Variants in ZBBX observed in about 807,000 individuals in gnomAD.
The protein encoded by ZBBX is zinc finger B-box domain containing.
Under a neutral mutation model 108.5 loss-of-function variants are expected in ZBBX, and 101 were observed. The ratio of observed to expected loss-of-function variants is 0.93; its 90% confidence interval spans 0.79 to 1.10. The LOEUF (loss-of-function observed/expected upper bound fraction) is 1.10, where lower values mean the gene tolerates loss of function less well. Ranked by LOEUF, ZBBX falls within the 50% of genes least tolerant of loss-of-function variation. The pLI is 0.00. For missense variants in ZBBX, 1,009 were observed against 941.4 expected, an observed-to-expected ratio of 1.07 and a Z score of -0.94; for synonymous variants, 356 against 323.4, an observed-to-expected ratio of 1.10 and a Z score of -1.08.
intron 20 of ZBBX, among the ~76,000 whole-genome samples, chr3:167,281,026 T>C (rs1404711010): frequency 6.6e-6 from 1 of 152,140 alleles, no homozygotes; most frequent in Admixed American, 6.6e-5. Context: ...ACACCACATA[T>C]TCTCACTCAT....
chr3:167,300,256 A>G (rs746189941), intron 17 of ZBBX, among the ~76,000 whole-genome samples: 2 of 152,076 alleles, frequency 1.3e-5, no homozygotes, highest in Non-Finnish European at 2.9e-5. Context: ...TTCCTGAAAA[A>G]ACTTCAAATC....
At chr3:167,366,920 T>C (rs769564319) in intron 5 of ZBBX, 2 of 455,996 alleles carry the variant, frequency 4.4e-6, no homozygotes, top group South Asian at 1.6e-5. Context: ...ATAAACTTTG[T>C]CATCCTGGAT....
the ZBBX span, among the ~76,000 whole-genome samples, chr3:167,195,021 C>T: frequency 1.3e-5 from 2 of 152,158 alleles, no homozygotes; most frequent in Non-Finnish European, 2.9e-5. Flanking sequence ...AGCAAGCTTC[C>T]AGCACTATCT....
chr3:167,209,974 C>G, the ZBBX span, among the ~76,000 whole-genome samples: 4 of 152,208 alleles, frequency 2.6e-5, no homozygotes, highest in South Asian at 8.3e-4. Context: ...CCTGTAGTCC[C>G]AACTACTCAG....
the ZBBX span, among the ~76,000 whole-genome samples, chr3:167,233,577 A>T: frequency 1.3e-5 from 2 of 151,738 alleles, no homozygotes; most frequent in Non-Finnish European, 2.9e-5. Flanking sequence ...TTTCCCCTTG[A>T]GGCCAGCTCT....
intron 9 of ZBBX, among the ~76,000 whole-genome samples, chr3:167,342,121 A>G (rs1295697212): frequency 6.6e-6 from 1 of 151,874 alleles, no homozygotes; most frequent in Non-Finnish European, 1.5e-5. Flanking sequence ...AATTTGTTAC[A>G]TTTGGTTTTT....
At chr3:167,404,999 T>C (rs1748540658) in intron 1 of ZBBX, among the ~76,000 whole-genome samples, 1 of 152,182 alleles carries the variant, frequency 6.6e-6, no homozygotes, top group African/African-American at 2.4e-5. Context: ...AGATGTCTGA[T>C]ACAAGGGAGA....
At chr3:167,315,546 T>G (rs1283843951) in intron 15 of ZBBX, among the ~76,000 whole-genome samples, 1 of 152,194 alleles carries the variant, frequency 6.6e-6, no homozygotes, top group Non-Finnish European at 1.5e-5. Context: ...CCTATCACTA[T>G]AGACAGTTTT....
intron 1 of ZBBX, among the ~76,000 whole-genome samples, chr3:167,392,337 T>C (rs1013417190): frequency 1.4e-4 from 22 of 151,894 alleles, no homozygotes; most frequent in South Asian, 4.1e-4. Context: ...AGTTTGTGTC[T>C]ATTATTAATA....
At chr3:167,354,500 A>T (rs4955616) in intron 8 of ZBBX, among the ~76,000 whole-genome samples, 1 of 151,718 alleles carries the variant, frequency 6.6e-6, no homozygotes, top group African/African-American at 2.4e-5. Flanking sequence ...TGAAGAAAAA[A>T]AAACACTATC....
intron 20 of ZBBX, among the ~76,000 whole-genome samples, chr3:167,255,761 A>C (rs1723396380): frequency 6.6e-6 from 1 of 152,118 alleles, no homozygotes; most frequent in African/African-American, 2.4e-5. Flanking sequence ...ATCATGAAAA[A>C]TTTGGAACAC....
At position 167,368,155 on chromosome 3, in the gene ZBBX, G is replaced by T. The variant is rs958887523; in HGVS notation, c.182+306C>A. 2.2e-4 allele frequency among the ~76,000 whole-genome samples: 34 copies of T among 151,458 alleles called. No individual in the cohort carries two copies. In the East Asian group the frequency reaches 6.0e-3, roughly 27 times the overall value. On this transcript the variant is annotated intron_variant, in intron 5 of 21. Coordinates refer to ENST00000675490, the MANE Select transcript of ZBBX (RefSeq NM_001199201.2). ...GAGAGCAAAAGGTAAAGTGTGCACT[G>T]CTGTCATAAACATTCCAGACCATAA...
the ZBBX span, among the ~76,000 whole-genome samples, chr3:167,217,050 A>G: frequency 6.6e-6 from 1 of 152,174 alleles, no homozygotes; most frequent in South Asian, 2.1e-4. Flanking sequence ...ACAATCCTGG[A>G]CCTAAGAATG....
intron 20 of ZBBX, among the ~76,000 whole-genome samples, chr3:167,270,141 C>G (rs1726268130): frequency 6.6e-6 from 1 of 152,132 alleles, no homozygotes; most frequent in South Asian, 2.1e-4. Flanking sequence ...CCTTGATCAT[C>G]TACATTCTGA....
rs143141745 is a variant in ZBBX at position 167,400,329 on chromosome 3, A to G, written c.-446+7397T>C. Among the ~76,000 whole-genome samples, 153 of 152,276 alleles carry G rather than the reference A, an allele frequency of 1.0e-3. 1 individual carries two copies. In the East Asian group the frequency reaches 0.02, roughly 20 times the overall value. On this transcript the variant is annotated intron_variant, in intron 1 of 21. Coordinates refer to the ZBBX transcript ENST00000455345. ...TAATTTACATTTCCACCAACAGTAT[A>G]TAAGCATTCCCTTTTCTCCGCAGCC...
intron 20 of ZBBX, among the ~76,000 whole-genome samples, chr3:167,277,013 G>T (rs971962081): frequency 6.6e-6 from 1 of 151,950 alleles, no homozygotes; most frequent in South Asian, 2.1e-4. Context: ...AAGTGAAGGA[G>T]AAATAAAACA....
intron 16 of ZBBX, among the ~76,000 whole-genome samples, chr3:167,312,134 C>T (rs1734699082): frequency 1.3e-5 from 2 of 151,950 alleles, no homozygotes; most frequent in South Asian, 4.1e-4. Context: ...CACAAAAAGA[C>T]AAGGAGAAAC....
intron 1 of ZBBX, among the ~76,000 whole-genome samples, chr3:167,385,695 T>C (rs1747891110): frequency 6.6e-6 from 1 of 151,962 alleles, no homozygotes; most frequent in African/African-American, 2.4e-5. Context: ...CTGTTTTTGT[T>C]AAAAACTAAG....
At chr3:167,197,315 G>T in the ZBBX span, among the ~76,000 whole-genome samples, 1 of 152,188 alleles carries the variant, frequency 6.6e-6, no homozygotes, top group Non-Finnish European at 1.5e-5. Flanking sequence ...GAGGCGGGCA[G>T]ATCACGAGGT....
Sources: allele counts gnomAD v4.1 joint callset (sites outside exome capture counted in the v4.1 genomes callset), GRCh38; gene constraint gnomAD v4.1.1; transcripts MANE v1.5; gene names NCBI Gene and HGNC (gene_info 2026-07-23, HGNC 2026-07-21).